PCDH9: variants seen among roughly 807,000 people sequenced by gnomAD.
PCDH9 encodes protocadherin-9.
In PCDH9, 24 loss-of-function variants were observed where a neutral mutation model predicts 70.6. That is an observed-to-expected ratio of 0.34 (90% CI 0.25 to 0.48). The LOEUF (loss-of-function observed/expected upper bound fraction) is 0.48. PCDH9 is among the 20% of genes least tolerant of loss of function. The pLI, the probability that PCDH9 is intolerant of heterozygous loss-of-function variation, is 0.99. For missense variants in PCDH9, 1,281 were observed against 1,503.6 expected (o/e 0.85, Z 2.45); for synonymous variants, 562 against 558.5 (o/e 1.01, Z -0.09).
intron 4 of PCDH9, among the ~76,000 whole-genome samples, chr13:66,611,265 G>C (rs1162285364): frequency 1.3e-5 from 2 of 151,914 alleles, no homozygotes; most frequent in Non-Finnish European, 2.9e-5. Context: ...CCAAAATATA[G>C]CATATTACAT....
chr13:66,824,731 T>A (rs1319209318), intron 3 of PCDH9, among the ~76,000 whole-genome samples: 2 of 145,640 alleles, frequency 1.4e-5, no homozygotes. Flanking sequence ...CACACACATA[T>A]ATATATATAC....
intron 2 of PCDH9, among the ~76,000 whole-genome samples, chr13:67,039,361 T>A (rs540730650): frequency 2.7e-4 from 41 of 152,260 alleles, no homozygotes; most frequent in African/African-American, 9.9e-4. Context: ...AGATGTAGAA[T>A]CCAATCAGAT....
At chr13:67,195,248 C>T (rs1428906079) in intron 2 of PCDH9, among the ~76,000 whole-genome samples, 1 of 151,942 alleles carries the variant, frequency 6.6e-6, no homozygotes, top group African/African-American at 2.4e-5. Context: ...CAGGTTCATG[C>T]CATTCTCCTG....
intron 2 of PCDH9, among the ~76,000 whole-genome samples, chr13:67,123,304 G>A (rs567805943): frequency 8.8e-4 from 134 of 152,200 alleles, no homozygotes; most frequent in Non-Finnish European, 1.7e-3. Flanking sequence ...GCTGAGAGAT[G>A]TAAACACCTA....
intron 4 of PCDH9, among the ~76,000 whole-genome samples, chr13:66,602,681 A>G (rs1213013569): frequency 6.9e-6 from 1 of 145,658 alleles, no homozygotes; most frequent in Non-Finnish European, 1.5e-5. Context: ...AAATAAGTTC[A>G]GTGCGGCCTA....
intron 3 of PCDH9, among the ~76,000 whole-genome samples, chr13:66,631,989 G>A (rs2077578082): frequency 1.3e-5 from 2 of 152,112 alleles, no homozygotes; most frequent in Non-Finnish European, 2.9e-5. Flanking sequence ...TGCCTTCCAG[G>A]TTCAAGCGAT....
At chr13:66,990,862 C>T (rs1031450399) in intron 2 of PCDH9, 2 of 151,826 alleles carry the variant, frequency 1.3e-5, no homozygotes, top group African/African-American at 2.4e-5. Context: ...CAAAAATGCT[C>T]CATGTTGTTT....
intron 3 of PCDH9, among the ~76,000 whole-genome samples, chr13:66,864,519 A>G (rs145787636): frequency 5.3e-5 from 8 of 152,350 alleles, no homozygotes; most frequent in Admixed American, 1.3e-4. Flanking sequence ...TTTACTCTCA[A>G]TATCTCATTA....
rs138307513 is a variant in PCDH9, at chr13:66,877,666, T to C, written c.3138+25838A>G. Among the ~76,000 whole-genome samples, 131 of 152,322 alleles carry C rather than the reference T, an allele frequency of 8.6e-4. 3 individuals are homozygous for C. In the East Asian group the frequency reaches 0.021, roughly 24 times the overall value. ...TCTAGGCATCTTATGGTTAGTTTTA[T>C]GCTTAAACCAACACCTTAGTCAAGG... On this transcript the variant is annotated intron_variant, in intron 3 of 4. Transcript: ENST00000377865.
At chr13:66,306,794 A>G (rs1391995416) in intron 4 of PCDH9, among the ~76,000 whole-genome samples, 1 of 151,926 alleles carries the variant, frequency 6.6e-6, no homozygotes, top group Non-Finnish European at 1.5e-5. Flanking sequence ...ACTTTTTTGG[A>G]TATTTAATTT....
intron 2 of PCDH9, among the ~76,000 whole-genome samples, chr13:66,928,560 G>C (rs1243058868): frequency 6.6e-6 from 1 of 152,088 alleles, no homozygotes; most frequent in East Asian, 1.9e-4. Context: ...AGTGTTTAGA[G>C]ATGGGCCCAT....
intron 3 of PCDH9, among the ~76,000 whole-genome samples, chr13:66,793,875 C>G (rs2080198836): frequency 6.6e-6 from 1 of 152,112 alleles, no homozygotes; most frequent in East Asian, 1.9e-4. Flanking sequence ...AACAAGTAAT[C>G]TGTTGAAACG....
chr13:66,846,103 A>T (rs200178528), intron 3 of PCDH9, among the ~76,000 whole-genome samples: 1 of 148,724 alleles, frequency 6.7e-6, no homozygotes, highest in East Asian at 2.0e-4. Context: ...CAGGATGTAA[A>T]CACACATAGA....
At chr13:67,090,907 T>G (rs971252510) in intron 2 of PCDH9, among the ~76,000 whole-genome samples, 3 of 152,064 alleles carry the variant, frequency 2.0e-5, no homozygotes, top group African/African-American at 7.2e-5. Flanking sequence ...AATGAGGAAC[T>G]AGTAGAACCA....
At chr13:67,217,204 G>T (rs1360217624) in intron 2 of PCDH9, 1 of 151,544 alleles carries the variant, frequency 6.6e-6, no homozygotes, top group Non-Finnish European at 1.5e-5. Flanking sequence ...TTCTATAAAA[G>T]ATACAGCTTC....
At chr13:66,351,528 A>G (rs1956290919) in intron 4 of PCDH9, among the ~76,000 whole-genome samples, 1 of 152,236 alleles carries the variant, frequency 6.6e-6, no homozygotes, top group Admixed American at 6.5e-5. Flanking sequence ...TTATGAAATA[A>G]TGAAAAATGG....
intron 2 of PCDH9, chr13:67,221,523 A>C (rs1403452225): frequency 2.0e-5 from 3 of 152,132 alleles, no homozygotes; most frequent in Non-Finnish European, 4.4e-5. Context: ...GTGAAAAGTC[A>C]GGATGTTTAA....
intron 3 of PCDH9, among the ~76,000 whole-genome samples, chr13:66,877,394 T>TG (rs1479993961): frequency 3.3e-5 from 5 of 151,732 alleles, no homozygotes; most frequent in African/African-American, 9.7e-5. Flanking sequence ...GTTTTTTTTT[T>TG]TTGTTATTAT....
At chr13:67,083,373 A>G (rs2086026131) in intron 2 of PCDH9, among the ~76,000 whole-genome samples, 1 of 152,136 alleles carries the variant, frequency 6.6e-6, no homozygotes, top group South Asian at 2.1e-4. Context: ...GCCTTACATA[A>G]GCAATTAGAG....
Sources: gnomAD v4.1 joint callset for allele counts (sites outside exome capture counted in the v4.1 genomes callset) on GRCh38, gnomAD v4.1.1 for gene constraint, MANE v1.5 for transcripts, NCBI Gene and HGNC (gene_info 2026-07-23, HGNC 2026-07-21) for gene names.